The following BICD1 variants were observed in gnomAD, a reference collection of about 807,000 sequenced individuals.
The protein encoded by BICD1 is BICD cargo adaptor 1.
In BICD1, 35 loss-of-function variants were observed where a neutral mutation model predicts 92.5. The observed-to-expected ratio is 0.38, with a 90% confidence interval of 0.29 to 0.50. BICD1 has a LOEUF of 0.50. BICD1 is among the 20% of genes least tolerant of loss of function. BICD1 has a pLI of 0.93. For synonymous variants in BICD1, 429 were observed against 465.1 expected, an observed-to-expected ratio of 0.92 and a Z score of 1.00; for missense variants, 950 against 1,189.8, an observed-to-expected ratio of 0.80 and a Z score of 2.97.
At chr12:32,267,562 T>C (rs1220482880) in intron 2 of BICD1, among the ~76,000 whole-genome samples, 2 of 152,238 alleles carry the variant, frequency 1.3e-5, no homozygotes, top group Admixed American at 1.3e-4. Flanking sequence ...TAAATGATGT[T>C]TGAATGAACA....
At chr12:32,237,441 C>T (rs989548029) in intron 2 of BICD1, among the ~76,000 whole-genome samples, 5 of 152,150 alleles carry the variant, frequency 3.3e-5, no homozygotes, top group South Asian at 2.1e-4. Context: ...GTAGATGAAA[C>T]GACTTTGTAT....
chr12:32,359,987 C>G (rs1939258425), intron 8 of BICD1, among the ~76,000 whole-genome samples: 1 of 152,092 alleles, frequency 6.6e-6, no homozygotes, highest in Non-Finnish European at 1.5e-5. Context: ...GGATCGAGAC[C>G]ATCCTGGCTA....
chr12:32,280,165 C>G (rs547944468), intron 2 of BICD1, among the ~76,000 whole-genome samples: 61 of 152,234 alleles, frequency 4.0e-4, no homozygotes, highest in Admixed American at 2.0e-3. Context: ...AGTTTTACTA[C>G]TCTTGTATAG....
intron 1 of BICD1, among the ~76,000 whole-genome samples, chr12:32,129,645 T>C (rs1942467598): frequency 6.6e-6 from 1 of 151,918 alleles, no homozygotes; most frequent in South Asian, 2.1e-4. Context: ...CCTGGGATTA[T>C]AGACATGAGC....
At chr12:32,251,853 T>G (rs1946529100) in intron 2 of BICD1, among the ~76,000 whole-genome samples, 2 of 136,462 alleles carry the variant, frequency 1.5e-5, no homozygotes, top group Non-Finnish European at 3.3e-5. Context: ...ATACTTCTTT[T>G]TAAATTGCCT....
chr12:32,349,174 C>G (rs2136301901), intron 8 of BICD1, among the ~76,000 whole-genome samples: 1 of 152,216 alleles, frequency 6.6e-6, no homozygotes, highest in Middle Eastern at 3.4e-3. Flanking sequence ...AGGAAGAGAG[C>G]CATCCGTATC....
intron 1 of BICD1, among the ~76,000 whole-genome samples, chr12:32,132,980 T>C (rs934591123): frequency 6.6e-6 from 1 of 151,960 alleles, no homozygotes; most frequent in African/African-American, 2.4e-5. Context: ...ATTAATTAAA[T>C]ATGGGAGGCA....
intron 2 of BICD1, among the ~76,000 whole-genome samples, chr12:32,263,801 A>G (rs1289746684): frequency 2.0e-5 from 3 of 152,186 alleles, no homozygotes; most frequent in Admixed American, 6.5e-5. Flanking sequence ...AGTTAATCAT[A>G]TGCGGACTAT....
intron 2 of BICD1, among the ~76,000 whole-genome samples, chr12:32,238,546 G>A (rs1367162422): frequency 6.6e-6 from 1 of 152,224 alleles, no homozygotes; most frequent in African/African-American, 2.4e-5. Flanking sequence ...AATTTTGAAA[G>A]AAGTTGTACC....
Position 32,313,610 on chromosome 12 carries a change from A to C in BICD1, c.1005+7488A>C, listed in dbSNP as rs1361233361. ...GGTTAGTTCTTGGGTTCTGAAACTT[A>C]AAGTGACAAGTATAATTATTTCCTA... On this transcript the variant is annotated intron_variant, in intron 4 of 9. Transcript: ENST00000652176. This position sits in a 1 kb window ranked among gnomAD's most constrained non-coding sequence, Gnocchi z 4.2. Among the ~76,000 whole-genome samples, 1 of 152,224 alleles carries C rather than the reference A, an allele frequency of 6.6e-6. No homozygotes were observed. Among genetic ancestry groups the C allele is most frequent in the Non-Finnish European group, 1.5e-5 (1 of 68,032 alleles).
At chr12:32,128,080 T>G (rs1446913991) in intron 1 of BICD1, among the ~76,000 whole-genome samples, 1 of 152,106 alleles carries the variant, frequency 6.6e-6, no homozygotes, top group African/African-American at 2.4e-5. Flanking sequence ...ATTTTTGTAT[T>G]TTTAGTAGAG....
intron 1 of BICD1, among the ~76,000 whole-genome samples, chr12:32,197,409 A>C (rs942222830): frequency 6.6e-6 from 1 of 152,208 alleles, no homozygotes; most frequent in Non-Finnish European, 1.5e-5. Flanking sequence ...TGGGGTGGAA[A>C]TATTTGGGCC....
At chr12:32,353,566 A>G (rs545737599) in intron 8 of BICD1, 1 of 151,948 alleles carries the variant, frequency 6.6e-6, no homozygotes, top group South Asian at 2.1e-4. Flanking sequence ...TTCTAGTGTG[A>G]TTTTTTTTAA....
chr12:32,225,237 C>G (rs1254121055), intron 2 of BICD1, among the ~76,000 whole-genome samples: 1 of 152,122 alleles, frequency 6.6e-6, no homozygotes, highest in Non-Finnish European at 1.5e-5. Flanking sequence ...GAGATTGGGT[C>G]CTTCAGCATG....
intron 1 of BICD1, among the ~76,000 whole-genome samples, chr12:32,135,587 G>A (rs1292031476): frequency 6.6e-6 from 1 of 151,732 alleles, no homozygotes; most frequent in Non-Finnish European, 1.5e-5. Context: ...TTATTGTAGA[G>A]ACAACACTTC....
chr12:32,208,098 G>A (rs1641064147), intron 1 of BICD1, among the ~76,000 whole-genome samples: 1 of 152,178 alleles, frequency 6.6e-6, no homozygotes, highest in African/African-American at 2.4e-5. Context: ...TGATATCCTT[G>A]CCTTTTAGGA....
intron 1 of BICD1, among the ~76,000 whole-genome samples, chr12:32,189,846 G>C (rs914591538): frequency 6.6e-6 from 1 of 151,780 alleles, no homozygotes; most frequent in South Asian, 2.1e-4. Context: ...CTACAGGCAC[G>C]CACCACCATG....
intron 1 of BICD1, among the ~76,000 whole-genome samples, chr12:32,204,996 T>C (rs1945007625): frequency 6.6e-6 from 1 of 152,150 alleles, no homozygotes; most frequent in Admixed American, 6.5e-5. Flanking sequence ...ATAAGGGTGA[T>C]AGAGTCCAAT....
At chr12:32,231,047 A>C (rs1427829717) in intron 2 of BICD1, among the ~76,000 whole-genome samples, 4 of 152,248 alleles carry the variant, frequency 2.6e-5, no homozygotes, top group African/African-American at 9.6e-5. Flanking sequence ...GAAATAATGT[A>C]ATAGCTTTTT....
Sources: gnomAD v4.1 joint callset for allele counts (sites outside exome capture counted in the v4.1 genomes callset) on GRCh38, gnomAD v4.1.1 for gene constraint, Gnocchi (gnomAD v3.1) non-coding constraint, MANE v1.5 for transcripts, NCBI Gene and HGNC (gene_info 2026-07-23, HGNC 2026-07-21) for gene names.